Variants in ITGA8 observed in about 807,000 individuals in gnomAD.
The protein encoded by ITGA8 is integrin alpha-8.
A neutral mutation model predicts 142.3 loss-of-function variants in ITGA8; 91 were observed. The observed-to-expected ratio is 0.64, with a 90% CI of 0.54 to 0.76. ITGA8 has a LOEUF of 0.76. ITGA8 is among the 30% of genes least tolerant of loss of function. The probability of loss-of-function intolerance (pLI) is 0.00; values close to 1 mark genes in which losing one functional copy is unlikely to be tolerated. For synonymous variants in ITGA8, 505 were observed against 485.2 expected, an observed-to-expected ratio of 1.04 and a Z score of -0.54; for missense variants, 1,406 against 1,327.7, an observed-to-expected ratio of 1.06 and a Z score of -0.92.
At chr10:15,573,263 C>T (rs759220144) in intron 24 of ITGA8, among the ~76,000 whole-genome samples, 2 of 152,178 alleles carry the variant, frequency 1.3e-5, no homozygotes, top group Non-Finnish European at 2.9e-5. Flanking sequence ...CTACCAGTAG[C>T]TACCCTAAAC....
At chr10:15,539,215 A>C (rs1357925905) in intron 27 of ITGA8, among the ~76,000 whole-genome samples, 1 of 148,056 alleles carries the variant, frequency 6.8e-6, no homozygotes, top group Non-Finnish European at 1.5e-5. Flanking sequence ...ACCTACCTCA[A>C]ACGAGGCAAC....
rs1408332940 is a variant in ITGA8, at chr10:15,694,261, C to T, written c.344-6223G>A. ...TATATCATATATATGATAACATATA[C>T]ATCAGATAATATATCATACATCAGA... On this transcript the variant is annotated intron_variant, in intron 2 of 29. Transcript: ENST00000378076. 1.7e-3 allele frequency among the ~76,000 whole-genome samples: 152 copies of T among 91,516 alleles called. 4 individuals are homozygous for T. The highest frequency in any genetic ancestry group is 5.8e-3 in the African/African-American group (147 of 25,216). The allele number at this position is 91,516 out of a possible 152,430, so 60.0% of individuals were successfully genotyped here. A position where few individuals can be genotyped will look rare whatever the true frequency, so the allele number is the denominator to read the frequency against.
intron 2 of ITGA8, among the ~76,000 whole-genome samples, chr10:15,717,083 G>A (rs1326433017): frequency 6.6e-6 from 1 of 152,166 alleles, no homozygotes; most frequent in Non-Finnish European, 1.5e-5. Context: ...CTATTGGGAT[G>A]AGTACTTACA....
intron 17 of ITGA8, 110 bp from the exon 18 acceptor site, chr10:15,606,532 A>G (rs891070106): frequency 7.5e-6 from 8 of 1,066,994 alleles, no homozygotes; most frequent in Non-Finnish European, 1.1e-5. Flanking sequence ...TGAATGATGA[A>G]ACAATTATCT....
chr10:15,671,645 A>G lies in ITGA8; in HGVS notation c.805T>C (p.Tyr269His), dbSNP rs1178298624. Residue 269 changes from tyrosine to histidine, a missense_variant and splice_region_variant, in exon 8 of 30, where the codon TAC (tyrosine) becomes CAC (histidine). Physicochemically the swap from Tyr to His is moderately conservative, Grantham distance 83. Transcript: ENST00000378076. ...GTAAACTCCCCAGCAGCAACTGAGT[A>G]TCCTGTTTTAAAGAAAAAGAAACAA... ...PASYDDSYLG[Y>H]SVAAGEFTGD... The G allele has an allele frequency of 3.1e-6, 5 of 1,611,924 alleles. No homozygotes were observed. The highest frequency in any genetic ancestry group is 2.2e-5 in the East Asian group (1 of 44,830).
intron 2 of ITGA8, among the ~76,000 whole-genome samples, chr10:15,692,850 T>C (rs977004653): frequency 1.3e-5 from 2 of 152,186 alleles, no homozygotes; most frequent in African/African-American, 4.8e-5. Flanking sequence ...GGTGGATCAC[T>C]TGAGGCCAGG....
intron 25 of ITGA8, among the ~76,000 whole-genome samples, chr10:15,567,164 AAG>A: frequency 6.6e-6 from 1 of 151,196 alleles, no homozygotes; most frequent in Non-Finnish European, 1.5e-5. Context: ...CAAAAAAAAA[AAG>A]AAGAAAAAAA....
intron 27 of ITGA8, among the ~76,000 whole-genome samples, chr10:15,543,361 T>C (rs1376371492): frequency 6.6e-6 from 1 of 152,206 alleles, no homozygotes; most frequent in African/African-American, 2.4e-5. Context: ...TTTTCACATA[T>C]GAAATTCAAA....
intron 26 of ITGA8, among the ~76,000 whole-genome samples, chr10:15,552,483 T>C (rs1833809134): frequency 6.6e-6 from 1 of 152,226 alleles, no homozygotes; most frequent in Admixed American, 6.5e-5. Context: ...GTTTGGACAT[T>C]GGTTTTTCAG....
intron 8 of ITGA8, among the ~76,000 whole-genome samples, chr10:15,670,330 T>G (rs1340073818): frequency 6.6e-6 from 1 of 152,210 alleles, no homozygotes; most frequent in African/African-American, 2.4e-5. Context: ...CATGCAATCT[T>G]CAGAACATTA....
chr10:15,604,365 C>A lies in ITGA8; in HGVS notation c.1971-10G>T, dbSNP rs993758459. 6.2e-7 allele frequency: 1 copy of A among 1,600,154 alleles called. No homozygotes were observed. ...TACCTGATGCTTATCTCTAAAAATG[C>A]AGTTTAAAAAGAAGGATTAGGTACT... On this transcript the variant is annotated splice_polypyrimidine_tract_variant and intron_variant, in intron 19 of 29. Transcript: ENST00000378076.
intron 13 of ITGA8, among the ~76,000 whole-genome samples, chr10:15,624,868 G>C (rs1384252836): frequency 6.6e-6 from 1 of 152,180 alleles, no homozygotes; most frequent in Non-Finnish European, 1.5e-5. Context: ...GATACATCTG[G>C]CAATGTCCAC....
intron 6 of ITGA8, 133 bp downstream of exon 6, chr10:15,677,459 C>T (rs1292677068): frequency 2.7e-5 from 18 of 665,614 alleles, no homozygotes; most frequent in Non-Finnish European, 3.5e-5. Flanking sequence ...AAAGAAATAA[C>T]GCTTCATTTG....
At position 15,644,150 on chromosome 10, in the gene ITGA8, C is replaced by G. The variant is rs1833922116; in HGVS notation, c.1279G>C (p.Asp427His). The G allele has an allele frequency of 1.9e-6, 3 of 1,614,176 alleles. No homozygotes were observed. The highest frequency in any genetic ancestry group is 2.5e-6 in the Non-Finnish European group (3 of 1,180,030). The change falls in exon 13 of 30, where the codon GAT (aspartate) becomes CAT (histidine). Residue 427 changes from aspartate to histidine, a missense_variant. Asp to His is a moderately conservative substitution (Grantham distance 81). Coordinates refer to ENST00000378076, the MANE Select transcript of ITGA8 (RefSeq NM_003638.3). ...GKVLIYNGNK[D>H]GLNTKPSQVL... ...TGGGAAGGCTTGGTGTTTAAGCCAT[C>G]TTTGTTCCCATTATAAATGAGCACT...
intron 2 of ITGA8, among the ~76,000 whole-genome samples, chr10:15,693,173 C>G (rs1216915912): frequency 6.6e-6 from 1 of 152,194 alleles, no homozygotes; most frequent in Non-Finnish European, 1.5e-5. Context: ...ACAGTTTTAA[C>G]TAGAGCTTTA....
At chr10:15,662,688 C>T (rs998884202) in intron 8 of ITGA8, among the ~76,000 whole-genome samples, 1 of 152,090 alleles carries the variant, frequency 6.6e-6, no homozygotes, top group Non-Finnish European at 1.5e-5. Context: ...GATCCTTGAC[C>T]TAGGAACACA....
chr10:15,561,239 A>ATG (rs1364516014), intron 25 of ITGA8, among the ~76,000 whole-genome samples: 2 of 97,704 alleles, frequency 2.0e-5, no homozygotes, highest in African/African-American at 1.5e-4. Flanking sequence ...ATATATGTAT[A>ATG]TATATATATA....
intron 23 of ITGA8, among the ~76,000 whole-genome samples, chr10:15,580,260 C>A (rs553115182): frequency 6.6e-6 from 1 of 151,646 alleles, no homozygotes; most frequent in African/African-American, 2.4e-5. Flanking sequence ...AACTTTATGC[C>A]AATACATGTA....
At chr10:15,711,129 A>G (rs1249137833) in intron 2 of ITGA8, among the ~76,000 whole-genome samples, 6 of 152,324 alleles carry the variant, frequency 3.9e-5, no homozygotes, top group Middle Eastern at 3.4e-3. Context: ...TCATAAGGAT[A>G]TAGGAATGAC....
Sources: gnomAD v4.1 joint callset for allele counts (sites outside exome capture counted in the v4.1 genomes callset) on GRCh38, gnomAD v4.1.1 for gene constraint, MANE v1.5 for transcripts, NCBI Gene and HGNC (gene_info 2026-07-23, HGNC 2026-07-21) for gene names.